The following LRP1B variants were observed in gnomAD, a reference collection of about 807,000 sequenced individuals.
LRP1B encodes low-density lipoprotein receptor-related protein 1B.
LRP1B carries 217 observed loss-of-function variants against 556.6 expected under a neutral mutation model. The ratio of observed to expected loss-of-function variants is 0.39; its 90% CI spans 0.35 to 0.44. The LOEUF is 0.44. Among genes scored for constraint, LRP1B ranks in the 20% least tolerant of loss-of-function variants. The pLI is 1.00. For missense variants in LRP1B, 5,053 were observed against 5,620.8 expected (o/e 0.90, Z 3.23); for synonymous variants, 2,047 against 1,865.8 (o/e 1.10, Z -2.50).
chr2:140,727,638 C>T (rs1053158634), intron 35 of LRP1B, among the ~76,000 whole-genome samples: 8 of 152,222 alleles, frequency 5.3e-5, no homozygotes, highest in Middle Eastern at 3.4e-3. Flanking sequence ...TAAATGTGGT[C>T]AATTTCAGAA....
chr2:140,670,696 AT>A (rs1685449927), intron 41 of LRP1B, among the ~76,000 whole-genome samples: 1 of 8,698 alleles, frequency 1.1e-4, no homozygotes, highest in Non-Finnish European at 9.8e-4. Context: ...ACAAAAAAAT[AT>A]AAGAGCAGTT....
At chr2:141,857,514 T>G (rs977734404) in intron 1 of LRP1B, among the ~76,000 whole-genome samples, 2 of 147,736 alleles carry the variant, frequency 1.4e-5, no homozygotes, top group Non-Finnish European at 3.0e-5. Flanking sequence ...AAAAAAAAAT[T>G]TTTGTAGACA....
intron 1 of LRP1B, among the ~76,000 whole-genome samples, chr2:141,916,988 C>T (rs1558959900): frequency 6.6e-6 from 1 of 152,058 alleles, no homozygotes; most frequent in Non-Finnish European, 1.5e-5. Context: ...AAATGGGTAT[C>T]TTTGTATGAA....
chr2:142,101,718 C>T (rs998544187), intron 1 of LRP1B, among the ~76,000 whole-genome samples: 2 of 151,962 alleles, frequency 1.3e-5, no homozygotes, highest in Non-Finnish European at 2.9e-5. Context: ...ACCAAAATGA[C>T]AAGTCTAATC....
At chr2:141,657,182 T>C (rs2105388781) in intron 2 of LRP1B, among the ~76,000 whole-genome samples, 1 of 152,236 alleles carries the variant, frequency 6.6e-6, no homozygotes, top group East Asian at 1.9e-4. Context: ...TTGTATTTAG[T>C]TAACAATGCA....
intron 2 of LRP1B, among the ~76,000 whole-genome samples, chr2:141,729,094 C>G (rs968622167): frequency 3.3e-5 from 5 of 152,130 alleles, no homozygotes; most frequent in African/African-American, 9.7e-5. Flanking sequence ...TCTTTGTGGG[C>G]TTCAGGCAGA....
chr2:141,384,161 A>C (rs1689745346), intron 3 of LRP1B, among the ~76,000 whole-genome samples: 1 of 152,162 alleles, frequency 6.6e-6, no homozygotes. Context: ...GTTACATGCC[A>C]AAGCTAAGGA....
intron 7 of LRP1B, among the ~76,000 whole-genome samples, chr2:141,163,302 CA>C (rs1482875298): frequency 6.6e-6 from 1 of 151,954 alleles, no homozygotes; most frequent in Non-Finnish European, 1.5e-5. Context: ...TTTTTTCTGT[CA>C]AACAATTGCA....
chr2:140,790,892 T>C (rs931362490), intron 32 of LRP1B, among the ~76,000 whole-genome samples: 1 of 151,304 alleles, frequency 6.6e-6, no homozygotes, highest in African/African-American at 2.4e-5. Flanking sequence ...CTTGAGCCCA[T>C]AAGTTTGAGA....
intron 1 of LRP1B, among the ~76,000 whole-genome samples, chr2:142,012,733 A>G (rs918135555): frequency 2.6e-5 from 4 of 152,180 alleles, no homozygotes; most frequent in African/African-American, 7.2e-5. Flanking sequence ...TGGTTCACAG[A>G]ATTTGTAATC....
At chr2:141,178,042 A>C (rs1021328065) in intron 7 of LRP1B, among the ~76,000 whole-genome samples, 3 of 152,148 alleles carry the variant, frequency 2.0e-5, no homozygotes, top group African/African-American at 7.2e-5. Context: ...ATGTAGAAGT[A>C]ATGGGAAACA....
intron 7 of LRP1B, among the ~76,000 whole-genome samples, chr2:141,141,203 T>C (rs756389531): frequency 6.6e-5 from 10 of 152,214 alleles, no homozygotes; most frequent in Non-Finnish European, 1.3e-4. Context: ...TTTGTTATGG[T>C]TAATCGTCGG....
At position 141,006,675 on chromosome 2, in the gene LRP1B, C is replaced by T. The variant is rs77343841; in HGVS notation, c.2381-1218G>A. On this transcript the variant is annotated intron_variant, in intron 14 of 90. Transcript: ENST00000389484. The stretch of plus-strand genomic sequence containing the variant: ...AAAATATTTTCTGTAAAAATATCCT[C>T]TTTAAAACATGTTTAAGTGACCACT... Among the ~76,000 whole-genome samples the T allele has an allele frequency of 8.0e-4, 122 of 152,064 alleles. No homozygotes were observed. In the East Asian group the frequency reaches 0.021, roughly 26 times the overall value.
At chr2:142,038,061 T>C (rs1256367563) in intron 1 of LRP1B, among the ~76,000 whole-genome samples, 1 of 151,562 alleles carries the variant, frequency 6.6e-6, no homozygotes, top group Non-Finnish European at 1.5e-5. Context: ...ATTCTCAAAA[T>C]AATATTAAAA....
At position 140,598,792 on chromosome 2, in the gene LRP1B, T is replaced by G. The variant is rs1228579130; in HGVS notation, c.7033A>C (p.Met2345Leu). 2.5e-6 allele frequency: 4 copies of G among 1,611,560 alleles called. No homozygotes were observed. In the Admixed American group the frequency reaches 6.7e-5, roughly 27 times the overall value. ...TTTTTCCCAGTCAGAGTAGATCTCA[T>G]GATACTTGGATGTTGTTCATTCCAG... The part of the protein sequence containing the change: ...TNWNEQHPSI[M>L]RSTLTGKNAQ... Residue 2345 changes from methionine (M) to leucine (L), a missense_variant, in exon 43 of 91, where the codon ATG (methionine) becomes CTG (leucine). By Grantham distance (15) the Met-to-Leu change is conservative (BLOSUM62 2). This residue lies in a region of LRP1B where 3,619 missense variants were observed against 3,931.9 expected (regional missense o/e 0.92). Coordinates refer to ENST00000389484, the MANE Select transcript of LRP1B (RefSeq NM_018557.3).
intron 51 of LRP1B, among the ~76,000 whole-genome samples, chr2:140,514,421 T>C (rs182194157): frequency 5.3e-5 from 8 of 151,906 alleles, no homozygotes; most frequent in African/African-American, 1.9e-4. Flanking sequence ...AATGTACAAA[T>C]ACATTTGTTG....
At chr2:140,286,993 CAA>C (rs1449421344) in intron 84 of LRP1B, among the ~76,000 whole-genome samples, 3 of 151,422 alleles carry the variant, frequency 2.0e-5, no homozygotes, top group African/African-American at 7.3e-5. Flanking sequence ...TTTGAGAAAC[CAA>C]AGTTATAGAA....
intron 2 of LRP1B, among the ~76,000 whole-genome samples, chr2:141,738,168 TATA>T (rs909837467): frequency 4.6e-5 from 7 of 152,280 alleles, no homozygotes; most frequent in African/African-American, 1.7e-4. Flanking sequence ...TACAGATTTC[TATA>T]ATATTAGCCC....
chr2:141,787,770 TC>T (rs1243827577), intron 2 of LRP1B, among the ~76,000 whole-genome samples: 1 of 151,904 alleles, frequency 6.6e-6, no homozygotes, highest in Non-Finnish European at 1.5e-5. Context: ...CCACTGATTT[TC>T]CAAATGATGT....
Sources: allele counts gnomAD v4.1 joint callset (sites outside exome capture counted in the v4.1 genomes callset), GRCh38; gene constraint gnomAD v4.1.1; regional missense constraint gnomAD v4.1.1; transcripts MANE v1.5; gene names NCBI Gene and HGNC (gene_info 2026-07-23, HGNC 2026-07-21).